The following EWSR1 variants were observed in gnomAD, a reference collection of about 807,000 sequenced individuals.
EWSR1 encodes the protein RNA-binding protein EWS.
EWSR1 carries 14 observed loss-of-function variants against 92.1 expected under a neutral mutation model. That is an observed-to-expected ratio of 0.15 (90% CI 0.10 to 0.24). The LOEUF is 0.24. Among genes scored for constraint, EWSR1 ranks in the 10% least tolerant of loss-of-function variants. The pLI, the probability that EWSR1 is intolerant of heterozygous loss-of-function variation, is 1.00. For synonymous variants in EWSR1, 303 were observed against 292.9 expected, an observed-to-expected ratio of 1.03 and a Z score of -0.35; for missense variants, 637 against 870.9, an observed-to-expected ratio of 0.73 and a Z score of 3.38.
rs539642160 is a variant in EWSR1 at position 29,268,704 on chromosome 22, C to T, written c.13+355C>T. Among the ~76,000 whole-genome samples, 111 of 152,348 alleles carry T rather than the reference C, an allele frequency of 7.3e-4. 1 individual carries two copies. Among genetic ancestry groups the T allele is most frequent in the Non-Finnish European group, 1.9e-4 (13 of 68,028 alleles). On this transcript the variant is annotated intron_variant, in intron 1 of 16. Coordinates refer to ENST00000397938, the MANE Select transcript of EWSR1 (RefSeq NM_005243.4). ...GCCCTGCGTGAAGGGGAGGATTTGG[C>T]CAGGCCTCAAGCCGGTCACTATGAA...
intron 5 of EWSR1, among the ~76,000 whole-genome samples, chr22:29,280,757 T>A (rs2059500453): frequency 6.7e-6 from 1 of 148,376 alleles, no homozygotes; most frequent in South Asian, 2.2e-4. Flanking sequence ...CGCTGGAGCC[T>A]CCGCCTCCGG....
intron 11 of EWSR1, chr22:29,295,399 C>A: frequency 4.7e-6 from 1 of 210,950 alleles, no homozygotes; most frequent in Non-Finnish European, 9.6e-6. Flanking sequence ...CAGGAGGATC[C>A]CAAGGATTGC....
At chr22:29,285,122 G>GTTT (rs35739164) in intron 6 of EWSR1, among the ~76,000 whole-genome samples, 1,381 of 111,580 alleles carry the variant, frequency 0.012, 106 homozygotes, top group African/African-American at 0.045. Context: ...TCTGGCCCTT[G>GTTT]TTTTTTTTTT....
chr22:29,295,675 A>T (rs1360057892), intron 11 of EWSR1: 1 of 223,030 alleles, frequency 4.5e-6, no homozygotes, highest in Non-Finnish European at 8.9e-6. Flanking sequence ...TGCATATATA[A>T]TGCAAAAAAG....
At chr22:29,299,536 C>A in intron 15 of EWSR1, 63 bp from the exon 16 acceptor site, 1 of 1,524,592 alleles carries the variant, frequency 6.6e-7, no homozygotes, top group Non-Finnish European at 8.8e-7. Context: ...GCAGCTTCCA[C>A]AGTGTCCACA....
In EWSR1 at chr22:29,286,907, C is replaced by A; in HGVS notation, c.582-16C>A. On this transcript the variant is annotated splice_polypyrimidine_tract_variant and intron_variant, in intron 6 of 16. Transcript: ENST00000397938. ...TCTAAAAAAGCTTTTTTTTTTTTCT[C>A]TTCTCTCTCTTTCAGCTATTCCTCT... is the stretch of plus-strand genomic sequence containing the variant. 1 of 1,524,808 alleles carries A rather than the reference C, an allele frequency of 6.6e-7. No homozygotes were observed. The highest frequency in any genetic ancestry group is 1.2e-5 in the South Asian group (1 of 82,416). The allele number at this position is 1,524,808 out of a possible 1,614,324, so 94.5% of individuals were successfully genotyped here. A position where few individuals can be genotyped will look rare whatever the true frequency, so the allele number is the denominator to read the frequency against.
chr22:29,284,992 T>C lies in EWSR1; in HGVS notation c.582-1931T>C, dbSNP rs143352723. 1.7e-3 allele frequency among the ~76,000 whole-genome samples: 250 copies of C among 151,274 alleles called. 7 individuals are homozygous for C. Among genetic ancestry groups the C allele is most frequent in the Admixed American group, 0.015 (233 of 15,282 alleles). ...GTGCCACCACACACAGCTAATTTTG[T>C]ATTTTTAGTAGAGACGGTGTTTTTC... is the stretch of plus-strand genomic sequence containing the variant. On this transcript the variant is annotated intron_variant, in intron 6 of 16. Coordinates refer to ENST00000397938, the MANE Select transcript of EWSR1 (RefSeq NM_005243.4).
At chr22:29,292,632 C>CT (rs773959024) in intron 11 of EWSR1, 26 bp downstream of exon 11, 1 of 1,442,832 alleles carries the variant, frequency 6.9e-7, no homozygotes, top group Admixed American at 1.7e-5. Flanking sequence ...ACCAGGTCAT[C>CT]TGGCAGAACT....
At chr22:29,291,721 ATGGGTAC>A in intron 9 of EWSR1, 122 bp downstream of exon 9, 1 of 886,034 alleles carries the variant, frequency 1.1e-6, no homozygotes, top group Non-Finnish European at 1.7e-6. Context: ...AAAGAGACTA[ATGGGTAC>A]TGCCGGCATT....
At chr22:29,297,449 C>T (rs1443787981) in intron 12 of EWSR1, among the ~76,000 whole-genome samples, 2 of 152,168 alleles carry the variant, frequency 1.3e-5, no homozygotes, top group African/African-American at 2.4e-5. Flanking sequence ...CCTACCACTT[C>T]AGGAGGCCAA....
At chr22:29,278,362 C>T in intron 5 of EWSR1, 146 bp downstream of exon 5, 1 of 777,498 alleles carries the variant, frequency 1.3e-6, no homozygotes, top group Non-Finnish European at 2.0e-6. Flanking sequence ...AACTGATGTG[C>T]TAGAACATAC....
intron 11 of EWSR1, 34 bp from the exon 12 acceptor site, chr22:29,296,195 TTAGTATATTC>T (rs1325976045): frequency 6.4e-7 from 1 of 1,574,422 alleles, no homozygotes; most frequent in South Asian, 1.2e-5. Flanking sequence ...TTCTCCCAAA[TTAGTATATTC>T]TAGTCATGCC....
intron 7 of EWSR1, 131 bp from the exon 8 acceptor site, chr22:29,288,475 T>A: frequency 1.3e-6 from 1 of 785,442 alleles, no homozygotes; most frequent in Non-Finnish European, 2.0e-6. Flanking sequence ...AAGGATGCTT[T>A]ATCGTGATGT....
rs1475328094 is a variant in EWSR1 at position 29,296,224 on chromosome 22, C to G, written c.1165-15C>G. ...TATATTCTAGTCATGCCTAACTATG[C>G]TATTCTTTGTCTAGATGAACAAGAG... On this transcript the variant is annotated splice_polypyrimidine_tract_variant and intron_variant, in intron 11 of 16. Transcript: ENST00000397938. The G allele has an allele frequency of 6.2e-7, 1 of 1,612,698 alleles. No homozygotes were observed. Among genetic ancestry groups the G allele is most frequent in the African/African-American group, 1.3e-5 (1 of 74,962 alleles).
intron 5 of EWSR1, among the ~76,000 whole-genome samples, chr22:29,278,607 A>C (rs889805319): frequency 8.5e-5 from 13 of 152,100 alleles, no homozygotes; most frequent in Non-Finnish European, 1.5e-4. Context: ...GGGGGATCAC[A>C]AGGTCAGGAG....
chr22:29,276,749 C>G (rs1302723883), intron 4 of EWSR1: 1 of 231,236 alleles, frequency 4.3e-6, no homozygotes, highest in Non-Finnish European at 8.6e-6. Context: ...CTCCCAGCCT[C>G]AAGCAGTCCA....
chr22:29,268,704 C>A (rs539642160), intron 1 of EWSR1, among the ~76,000 whole-genome samples: 1 of 152,232 alleles, frequency 6.6e-6, no homozygotes, highest in Non-Finnish European at 1.5e-5. Context: ...GAGGATTTGG[C>A]CAGGCCTCAA....
chr22:29,294,638 G>C (rs1057216656), intron 11 of EWSR1, among the ~76,000 whole-genome samples: 1 of 149,408 alleles, frequency 6.7e-6, no homozygotes, highest in South Asian at 2.1e-4. Context: ...GATTTTGGGC[G>C]GGCGTGGTGG....
chr22:29,292,724 G>T, intron 11 of EWSR1, 118 bp downstream of exon 11: 2 of 591,632 alleles, frequency 3.4e-6, no homozygotes, highest in Non-Finnish European at 6.1e-6. Flanking sequence ...CTTCTTTCTA[G>T]GTATCTTATG....
Sources: allele counts gnomAD v4.1 joint callset (sites outside exome capture counted in the v4.1 genomes callset), GRCh38; gene constraint gnomAD v4.1.1; transcripts MANE v1.5; gene names NCBI Gene and HGNC (gene_info 2026-07-23, HGNC 2026-07-21).